Variants in DLG2 observed in about 807,000 individuals in gnomAD.
DLG2 encodes the protein disks large homolog 2.
A neutral mutation model predicts 132.5 loss-of-function variants in DLG2; 45 were observed. That is an observed-to-expected ratio of 0.34 (90% CI 0.27 to 0.44). The LOEUF is 0.44. DLG2 is among the 20% of genes least tolerant of loss of function. DLG2 has a pLI of 1.00. For missense variants in DLG2, 1,045 were observed against 1,196.9 expected (o/e 0.87, Z 1.87); for synonymous variants, 424 against 419.6 (o/e 1.01, Z -0.13).
At chr11:83,823,646 G>GTCATTCATTCATTCAT (rs112028362) in intron 17 of DLG2, among the ~76,000 whole-genome samples, 8 of 149,606 alleles carry the variant, frequency 5.3e-5, no homozygotes, top group African/African-American at 2.0e-4. Context: ...GCAAAGATGA[G>GTCATTCATTCATTCAT]TCATTCATTC....
chr11:83,819,166 C>A (rs1052725017), intron 17 of DLG2, among the ~76,000 whole-genome samples: 1 of 151,992 alleles, frequency 6.6e-6, no homozygotes, highest in Non-Finnish European at 1.5e-5. Flanking sequence ...GCAGACCCTC[C>A]GCCAAATGAA....
chr11:83,744,490 A>C (rs2092763365), intron 18 of DLG2, among the ~76,000 whole-genome samples: 1 of 152,194 alleles, frequency 6.6e-6, no homozygotes, highest in Admixed American at 6.5e-5. Flanking sequence ...TCCCATATTA[A>C]ATATGAAAGT....
At chr11:84,119,370 TA>T (rs2093794181) in intron 9 of DLG2, among the ~76,000 whole-genome samples, 1 of 151,848 alleles carries the variant, frequency 6.6e-6, no homozygotes, top group African/African-American at 2.4e-5. Context: ...CACGGCAAAG[TA>T]GGGGTGGATG....
chr11:84,986,503 A>G (rs2154122723), intron 6 of DLG2, among the ~76,000 whole-genome samples: 1 of 152,328 alleles, frequency 6.6e-6, no homozygotes, highest in South Asian at 2.1e-4. Flanking sequence ...ATCCCTGATG[A>G]ACATAGATGC....
chr11:83,922,737 A>T (rs1437627212), intron 15 of DLG2, among the ~76,000 whole-genome samples: 1 of 152,154 alleles, frequency 6.6e-6, no homozygotes, highest in Non-Finnish European at 1.5e-5. Context: ...CTCTGTGAGA[A>T]GATGAGCTTG....
At chr11:85,026,229 G>A (rs955275523) in intron 6 of DLG2, among the ~76,000 whole-genome samples, 1 of 151,986 alleles carries the variant, frequency 6.6e-6, no homozygotes, top group Non-Finnish European at 1.5e-5. Context: ...TAGCCAAAAG[G>A]TTCTTAAATA....
chr11:84,077,531 TA>T (rs1391653938), intron 10 of DLG2, among the ~76,000 whole-genome samples: 1 of 152,092 alleles, frequency 6.6e-6, no homozygotes, highest in Non-Finnish European at 1.5e-5. Flanking sequence ...TCTTCATACT[TA>T]AAAAACAAAA....
intron 6 of DLG2, among the ~76,000 whole-genome samples, chr11:84,757,175 CCTTGGATGAATACCAG>C (rs1172908249): frequency 6.6e-6 from 1 of 151,836 alleles, no homozygotes; most frequent in Non-Finnish European, 1.5e-5. Context: ...TCAGTGTGGT[CCTTGGATGAATACCAG>C]TCTGCAAAAC....
At chr11:84,679,433 A>C (rs1237781626) in intron 6 of DLG2, among the ~76,000 whole-genome samples, 1 of 152,026 alleles carries the variant, frequency 6.6e-6, no homozygotes, top group Non-Finnish European at 1.5e-5. Context: ...TAGGGTTCAA[A>C]ATGAAAGGGA....
rs562916611 is a variant in DLG2 at position 84,506,236 on chromosome 11, C to T, written c.519+28334G>A. 1.1e-4 allele frequency among the ~76,000 whole-genome samples: 17 copies of T among 151,438 alleles called. No homozygotes were observed. In the South Asian group the frequency reaches 2.3e-3, roughly 21 times the overall value. On this transcript the variant is annotated intron_variant, in intron 7 of 27. Transcript: ENST00000376104. Reference sequence around the variant, plus strand: ...GACTACAGGCGCCCGCCACTGCGCCCGGCTAATTTTTTGTATTTTTAGTAG... The same window carrying T: ...GACTACAGGCGCCCGCCACTGCGCCTGGCTAATTTTTTGTATTTTTAGTAG...
intron 6 of DLG2, among the ~76,000 whole-genome samples, chr11:84,806,557 CTG>C (rs1205680782): frequency 1.3e-5 from 2 of 152,196 alleles, no homozygotes; most frequent in African/African-American, 4.8e-5. Context: ...AAGAAAAGAA[CTG>C]TCAACCAAGA....
chr11:84,591,189 G>A (rs2099541811), intron 6 of DLG2, among the ~76,000 whole-genome samples: 1 of 143,666 alleles, frequency 7.0e-6, no homozygotes, highest in Non-Finnish European at 1.5e-5. Flanking sequence ...CCACCCTAAA[G>A]TTTTGTTATA....
chr11:84,273,120 C>A (rs995997813), intron 7 of DLG2: 3 of 1,468,048 alleles, frequency 2.0e-6, no homozygotes, highest in Non-Finnish European at 9.0e-7. Flanking sequence ...ATAAAAGAAT[C>A]CCTAGGAAAA....
chr11:84,538,094 G>A (rs2099359793), intron 6 of DLG2, among the ~76,000 whole-genome samples: 1 of 152,200 alleles, frequency 6.6e-6, no homozygotes, highest in African/African-American at 2.4e-5. Context: ...AGTTATACTT[G>A]TGCACAGATA....
chr11:84,033,435 G>T (rs1434553568), intron 11 of DLG2, among the ~76,000 whole-genome samples: 1 of 152,182 alleles, frequency 6.6e-6, no homozygotes, highest in South Asian at 2.1e-4. Flanking sequence ...CTGAATTGCT[G>T]CAATCTCGTA....
intron 4 of DLG2, among the ~76,000 whole-genome samples, chr11:85,250,766 G>A (rs910592899): frequency 3.3e-5 from 5 of 152,240 alleles, no homozygotes; most frequent in African/African-American, 9.6e-5. Context: ...TGAACTTTAA[G>A]TTTCAGAAGC....
At chr11:84,544,640 T>C (rs984561372) in intron 6 of DLG2, among the ~76,000 whole-genome samples, 3 of 152,218 alleles carry the variant, frequency 2.0e-5, no homozygotes, top group South Asian at 4.1e-4. Flanking sequence ...GAGACATCTA[T>C]CACATTGCTG....
chr11:84,676,144 G>A (rs2099710981), intron 6 of DLG2, among the ~76,000 whole-genome samples: 1 of 151,960 alleles, frequency 6.6e-6, no homozygotes, highest in African/African-American at 2.4e-5. Context: ...ATAAATATGA[G>A]AGCTATTTAT....
intron 7 of DLG2, among the ~76,000 whole-genome samples, chr11:84,407,492 C>A (rs562662281): frequency 2.6e-5 from 4 of 152,216 alleles, no homozygotes; most frequent in African/African-American, 9.6e-5. Flanking sequence ...GTTCCCCTGG[C>A]CTGCTTCCCA....
Sources: gnomAD v4.1 joint callset for allele counts (sites outside exome capture counted in the v4.1 genomes callset) on GRCh38, gnomAD v4.1.1 for gene constraint, MANE v1.5 for transcripts, NCBI Gene and HGNC (gene_info 2026-07-23, HGNC 2026-07-21) for gene names.